Variants in MYO15A observed in about 807,000 individuals in gnomAD.
MYO15A encodes unconventional myosin-XV.
In MYO15A, 308 loss-of-function variants were observed where a neutral mutation model predicts 394.6. The ratio of observed to expected loss-of-function variants is 0.78; its 90% CI spans 0.71 to 0.86. The LOEUF is 0.86. Among genes scored for constraint, MYO15A ranks in the 40% least tolerant of loss-of-function variants. The pLI is 0.00. For synonymous variants in MYO15A, 1,957 were observed against 2,003.8 expected (o/e 0.98, Z 0.62); for missense variants, 4,606 against 4,799.1 (o/e 0.96, Z 1.19).
intron 65 of MYO15A, chr17:18,178,431 C>G: frequency 2.2e-6 from 1 of 459,522 alleles, no homozygotes; most frequent in South Asian, 2.1e-5. Context: ...ACAGCCCTGT[C>G]TGTGAGGCAG....
chr17:18,158,501 C>T, intron 51 of MYO15A, 22 bp from the exon 52 acceptor site: 1 of 1,610,686 alleles, frequency 6.2e-7, no homozygotes, highest in Non-Finnish European at 8.5e-7. Context: ...ACTGGGCCTT[C>T]CTAGCTCCGC....
chr17:18,137,415 G>C lies in MYO15A; in HGVS notation c.4780-169G>C, dbSNP rs182772140. On this transcript the variant is annotated intron_variant, in intron 15 of 65. Coordinates refer to ENST00000647165, the MANE Select transcript of MYO15A (RefSeq NM_016239.4). ...CTTCAGGCACTGCCTGTGCTGTCAG[G>C]ACAGAGCCTGTCAGATTCTGTCCTG... Among the ~76,000 whole-genome samples the C allele has an allele frequency of 1.8e-3, 280 of 152,324 alleles. 1 individual carries two copies. Among genetic ancestry groups the C allele is most frequent in the African/African-American group, 6.4e-3 (266 of 41,576 alleles).
intron 3 of MYO15A, 157 bp from the exon 4 acceptor site, chr17:18,125,011 G>C: frequency 1.4e-6 from 1 of 737,786 alleles, no homozygotes; most frequent in Non-Finnish European, 2.4e-6. Context: ...GCACAGAATA[G>C]GGAAGTAATT....
chr17:18,167,757 G>C (rs1376240485), intron 62 of MYO15A, 34 bp downstream of exon 62: 1 of 1,600,474 alleles, frequency 6.2e-7, no homozygotes, highest in Admixed American at 1.7e-5. Context: ...AGCTGGGGTG[G>C]ACAGGCAACC....
In MYO15A at chr17:18,146,172, A is replaced by G. The variant is rs527319117; in HGVS notation, c.6509+65A>G. On this transcript the variant is annotated intron_variant, in intron 30 of 65. Coordinates refer to ENST00000647165, the MANE Select transcript of MYO15A (RefSeq NM_016239.4). ...TGGCACCAGCAGTGGAGCCCAAGGC[A>G]GGGTCTTAAAGGTCAGGCCAGGAGT... The G allele has an allele frequency of 2.6e-5, 39 of 1,505,668 alleles. No individual in the cohort carries two copies. In the African/African-American group the frequency reaches 3.4e-4, roughly 13 times the overall value. 93.3% of individuals were successfully genotyped at this position (1,505,668 alleles called of 1,614,324 possible).
rs987197523 is a variant in MYO15A at position 18,132,286 on chromosome 17, C to T, written c.4207-167C>T. Among the ~76,000 whole-genome samples the T allele has an allele frequency of 7.2e-5, 11 of 152,260 alleles. No individual in the cohort carries two copies. The highest frequency in any genetic ancestry group is 2.0e-4 in the Admixed American group (3 of 15,292). Reference sequence around the variant, plus strand: ...GGGCACCTCTGCTTCTGCCCTCACCCGCAGCTGGCACCAGGCTGGGAGCCT... The same window carrying T: ...GGGCACCTCTGCTTCTGCCCTCACCTGCAGCTGGCACCAGGCTGGGAGCCT... On this transcript the variant is annotated intron_variant, in intron 10 of 65. Coordinates refer to ENST00000647165, the MANE Select transcript of MYO15A (RefSeq NM_016239.4). The surrounding 1 kb of genome is among the most constrained non-coding windows in gnomAD (Gnocchi z 4.6).
At chr17:18,128,041 C>A (rs2046085361) in intron 7 of MYO15A, among the ~76,000 whole-genome samples, 2 of 151,718 alleles carry the variant, frequency 1.3e-5, no homozygotes, top group South Asian at 4.2e-4. Flanking sequence ...AGTGAAGAGG[C>A]AGAGGGAGGA....
intron 44 of MYO15A, 56 bp downstream of exon 44, chr17:18,154,246 C>G (rs2046636381): frequency 3.1e-6 from 5 of 1,590,356 alleles, no homozygotes; most frequent in African/African-American, 1.3e-5. Context: ...TGTGTGGACG[C>G]AAAGATGAGC....
At chr17:18,178,710 C>A in intron 65 of MYO15A, 59 bp from the exon 66 acceptor site, 1 of 1,528,548 alleles carries the variant, frequency 6.5e-7, no homozygotes, top group Non-Finnish European at 9.1e-7. Context: ...GTACTTCCCA[C>A]CCCAAGGTAA....
Position 18,136,588 on chromosome 17 carries a change from G to A in MYO15A, c.4681G>A (p.Ala1561Thr). ...GGACGCCATCGCCAAGGTCTTGTAT[G>A]CACTGCTGTTCAGCTGGCTCATCAC... ...ARDAIAKVLY[A>T]LLFSWLITRV... The change falls in exon 15 of 66, where the codon GCA (alanine) becomes ACA (threonine). Residue 1561 changes from alanine (A) to threonine (T), a missense_variant. Physicochemically the swap from Ala to Thr is moderately conservative, Grantham distance 58. This residue lies in a region of MYO15A where 2,776 missense variants were observed against 3,109.3 expected (regional missense o/e 0.89). Transcript: ENST00000647165. The A allele has an allele frequency of 6.2e-7, 1 of 1,614,006 alleles. No homozygotes were observed. The highest frequency in any genetic ancestry group is 8.5e-7 in the Non-Finnish European group (1 of 1,180,040).
intron 2 of MYO15A, chr17:18,122,744 T>G (rs564178656): frequency 3.5e-6 from 1 of 284,960 alleles, no homozygotes; most frequent in South Asian, 7.9e-5. Flanking sequence ...TAACTTCCCC[T>G]CAGAGATTTT....
At chr17:18,145,017 G>C (rs2046451706) in intron 29 of MYO15A, among the ~76,000 whole-genome samples, 1 of 152,150 alleles carries the variant, frequency 6.6e-6, no homozygotes, top group Non-Finnish European at 1.5e-5. Flanking sequence ...GGAGGAGAAG[G>C]CATTTGAGCT....
chr17:18,176,192 G>A (rs1237205243), intron 65 of MYO15A, among the ~76,000 whole-genome samples: 3 of 152,226 alleles, frequency 2.0e-5, no homozygotes, highest in Non-Finnish European at 4.4e-5. Flanking sequence ...AGGAATATCC[G>A]AGGCTGCATA....
In MYO15A at chr17:18,150,654, G is replaced by A. The variant is rs377566614; in HGVS notation, c.7328-44G>A. On this transcript the variant is annotated intron_variant, in intron 36 of 65. Transcript: ENST00000647165. This position sits in a 1 kb window ranked among gnomAD's most constrained non-coding sequence, Gnocchi z 4.4. ...ATGGGGGCTGAGAGGACAGGGAGGA[G>A]GGCATCTCCGGTGCCATCTGTGCCT... The A allele has an allele frequency of 5.7e-6, 9 of 1,592,726 alleles. No homozygotes were observed. Among genetic ancestry groups the A allele is most frequent in the African/African-American group, 5.4e-5 (4 of 74,254 alleles).
intron 24 of MYO15A, 151 bp downstream of exon 24, chr17:18,142,405 C>T (rs1489495113): frequency 9.5e-7 from 1 of 1,049,086 alleles, no homozygotes; most frequent in African/African-American, 1.6e-5. Context: ...TTCTCTGTGT[C>T]TCTGCTTTTG....
At position 18,126,360 on chromosome 17, in the gene MYO15A, G is replaced by A. The variant is rs745526199; in HGVS notation, c.3770G>A (p.Ser1257Asn). Residue 1257 changes from serine (S) to asparagine (N), a missense_variant, in exon 5 of 66, where the codon AGC (serine) becomes AAC (asparagine). Coordinates refer to ENST00000647165, the MANE Select transcript of MYO15A (RefSeq NM_016239.4). ...TCTGCCCAGCAGACATACATTGGGAGCATCCTGGTGTCGGTGAACCCATAC... is the reference window on the plus strand; with the variant it reads ...TCTGCCCAGCAGACATACATTGGGAACATCCTGGTGTCGGTGAACCCATAC... ...ERNLIYTYIG[S>N]ILVSVNPYQM... 16 of 1,613,940 alleles carry A rather than the reference G, an allele frequency of 9.9e-6. No homozygotes were observed. Among genetic ancestry groups the A allele is most frequent in the African/African-American group, 2.7e-5 (2 of 75,058 alleles).
intron 60 of MYO15A, chr17:18,164,338 C>A: frequency 4.7e-6 from 1 of 214,588 alleles, no homozygotes; most frequent in Non-Finnish European, 9.5e-6. Flanking sequence ...TGACTGCCCA[C>A]TCTAGATCAT....
At chr17:18,137,915 A>C (rs973696113) in intron 16 of MYO15A, 200 bp from the exon 17 acceptor site, 2 of 862,730 alleles carry the variant, frequency 2.3e-6, no homozygotes, top group Non-Finnish European at 3.6e-6. Context: ...CTTCTCCTCT[A>C]CTGGGCTGTC....
intron 5 of MYO15A, 35 bp downstream of exon 5, chr17:18,126,491 TG>T: frequency 6.4e-7 from 1 of 1,574,036 alleles, no homozygotes. Context: ...TGGGGTCTCT[TG>T]GGCCCCTCTT....
Sources: gnomAD v4.1 joint callset for allele counts (sites outside exome capture counted in the v4.1 genomes callset) on GRCh38, gnomAD v4.1.1 for gene constraint, gnomAD v4.1.1 regional missense constraint, Gnocchi (gnomAD v3.1) non-coding constraint, MANE v1.5 for transcripts, NCBI Gene and HGNC (gene_info 2026-07-23, HGNC 2026-07-21) for gene names.